The following GALNT9 variants were observed in gnomAD, a reference collection of about 807,000 sequenced individuals.
GALNT9 encodes the protein polypeptide N-acetylgalactosaminyltransferase 9.
In GALNT9, 47 loss-of-function variants were observed where a neutral mutation model predicts 63.1. The ratio of observed to expected loss-of-function variants is 0.75; its 90% CI spans 0.59 to 0.95. The LOEUF is 0.95. Ranked by LOEUF, GALNT9 falls within the 40% of genes least tolerant of loss-of-function variation. The pLI is 0.00. For synonymous variants in GALNT9, 396 were observed against 365.7 expected (o/e 1.08, Z -0.94); for missense variants, 829 against 874.8 (o/e 0.95, Z 0.66).
rs1044927284 is a variant in GALNT9, at chr12:132,261,070, G to A, written c.639C>T (p.Leu213=). The A allele has an allele frequency of 3.3e-5, 51 of 1,551,450 alleles. No homozygotes were observed. The highest frequency in any genetic ancestry group is 1.7e-4 in the Middle Eastern group (1 of 6,014). Reference sequence around the variant, plus strand: ...GCCGGCTGTTGCGGACAATCTTCACGAGGCCTGGGTACCGCTTGTTGACGT... The same window carrying A: ...GCCGGCTGTTGCGGACAATCTTCACAAGGCCTGGGTACCGCTTGTTGACGT... ...DQYVNKRYPG[L]VKIVRNSRRE... The change falls in exon 4 of 11, where the codon CTC becomes CTT. Residue 213 remains leucine, a synonymous_variant. Coordinates refer to ENST00000328957, the MANE Select transcript of GALNT9 (RefSeq NM_001122636.2).
chr12:132,206,861 A>G (rs1485945564), intron 6 of GALNT9, among the ~76,000 whole-genome samples: 1 of 152,120 alleles, frequency 6.6e-6, no homozygotes, highest in Non-Finnish European at 1.5e-5. Context: ...CCATTAAAAA[A>G]ACCAGCGAGC....
At position 132,288,564 on chromosome 12, in the gene GALNT9, G is replaced by C. The variant is rs547245232; in HGVS notation, c.239-2134C>G. 2.6e-5 allele frequency among the ~76,000 whole-genome samples: 4 copies of C among 152,394 alleles called. No homozygotes were observed. The East Asian group carries it at 7.7e-4, about 29-fold the overall frequency. On this transcript the variant is annotated intron_variant, in intron 1 of 10. Transcript: ENST00000328957. ...ATCCGTGGGGCTCAGGCCTCAGGTGGGGATTGGCCGCCTGGCCAGAGGGTA... is the reference window on the plus strand; with the variant it reads ...ATCCGTGGGGCTCAGGCCTCAGGTGCGGATTGGCCGCCTGGCCAGAGGGTA...
In GALNT9 at chr12:132,271,410, T is replaced by C. The variant is rs112158377; in HGVS notation, c.420-8785A>G. Among the ~76,000 whole-genome samples, 142 of 152,288 alleles carry C rather than the reference T, an allele frequency of 9.3e-4. No individual in the cohort carries two copies. In the Middle Eastern group the frequency reaches 0.017, roughly 18 times the overall value. On this transcript the variant is annotated intron_variant, in intron 2 of 10. Transcript: ENST00000328957. ...GCCTTCTTGTGTGTTTCTTCCAGGT[T>C]TCTTTATCCCATTTTGAACCAATTT...
intron 1 of GALNT9, among the ~76,000 whole-genome samples, chr12:132,291,616 GCA>G (rs1880854581): frequency 1.1e-5 from 1 of 92,776 alleles, no homozygotes; most frequent in African/African-American, 5.0e-5. Context: ...CACCTCCACA[GCA>G]CCCACGTCCA....
intron 6 of GALNT9, among the ~76,000 whole-genome samples, chr12:132,226,664 C>A: frequency 7.5e-6 from 1 of 132,794 alleles, no homozygotes; most frequent in East Asian, 2.5e-4. Context: ...ATACACACCC[C>A]ACACACACTG....
chr12:132,321,666 C>A (rs553033070), intron 1 of GALNT9, among the ~76,000 whole-genome samples: 12 of 152,270 alleles, frequency 7.9e-5, no homozygotes, highest in African/African-American at 2.9e-4. Flanking sequence ...GGATTCTCTC[C>A]TGGCAGCTCC....
At position 132,197,270 on chromosome 12, in the gene GALNT9, A is replaced by G. The variant is rs1196784325; in HGVS notation, c.1666-17T>C. The G allele has an allele frequency of 1.2e-6, 2 of 1,609,026 alleles. No homozygotes were observed. Among genetic ancestry groups the G allele is most frequent in the Non-Finnish European group, 8.5e-7 (1 of 1,179,514 alleles). ...GGGGCCACTCTGTGGGGACAGGCAC[A>G]TCAAGTCAGCCAGGTGCAGGCGTCC... is the stretch of plus-strand genomic sequence containing the variant. On this transcript the variant is annotated splice_polypyrimidine_tract_variant and intron_variant, in intron 10 of 10. Coordinates refer to ENST00000328957, the MANE Select transcript of GALNT9 (RefSeq NM_001122636.2).
At chr12:132,297,405 T>C (rs1475155121) in intron 1 of GALNT9, among the ~76,000 whole-genome samples, 1 of 142,856 alleles carries the variant, frequency 7.0e-6, no homozygotes, top group Non-Finnish European at 1.5e-5. Flanking sequence ...AACTCACTCC[T>C]ACAATAACCA....
At chr12:132,278,429 G>T (rs139209620) in intron 2 of GALNT9, 1 of 152,234 alleles carries the variant, frequency 6.6e-6, no homozygotes. Context: ...GCCCCCGCCC[G>T]GGAGGGTCTG....
At position 132,196,438 on chromosome 12, in the gene GALNT9, A is replaced by C. The variant is rs139915363; in HGVS notation, c.*669T>G. ...AAGGGGCTGGGCTGCGGCAGGGCCC[A>C]GGTGCCTGGGAAAGAGGTGGGACCG... is the stretch of plus-strand genomic sequence containing the variant. On this transcript the variant is annotated 3_prime_UTR_variant, in exon 11 of 11. Transcript: ENST00000328957. 2.0e-3 allele frequency: 2,013 copies of C among 985,514 alleles called. 41 individuals are homozygous for C. In the African/African-American group the frequency reaches 0.033, roughly 16 times the overall value. 61.0% of individuals were successfully genotyped at this position (985,514 alleles called of 1,614,324 possible).
intron 1 of GALNT9, among the ~76,000 whole-genome samples, chr12:132,328,719 T>C (rs1374897847): frequency 6.6e-6 from 1 of 152,172 alleles, no homozygotes; most frequent in Non-Finnish European, 1.5e-5. Context: ...CAAGTTTGCG[T>C]CATTGTGGGG....
chr12:132,210,601 C>T (rs111627909), intron 6 of GALNT9, among the ~76,000 whole-genome samples: 3,363 of 152,194 alleles, frequency 0.022, 125 homozygotes, highest in African/African-American at 0.076. Flanking sequence ...GGTTAACTGG[C>T]GGTGAGACAC....
chr12:132,261,559 C>T (rs939092234), intron 3 of GALNT9, among the ~76,000 whole-genome samples: 5 of 152,214 alleles, frequency 3.3e-5, no homozygotes, highest in African/African-American at 1.2e-4. Flanking sequence ...CCTCCCCACA[C>T]ACCACCTTCT....
intron 10 of GALNT9, among the ~76,000 whole-genome samples, chr12:132,197,574 G>C (rs1279686243): frequency 6.7e-6 from 1 of 148,750 alleles, no homozygotes; most frequent in African/African-American, 2.6e-5. Flanking sequence ...TGTCCAGCCC[G>C]ACCCCTCTCT....
chr12:132,281,637 C>T (rs782791350), intron 2 of GALNT9, among the ~76,000 whole-genome samples: 5 of 152,186 alleles, frequency 3.3e-5, no homozygotes, highest in Admixed American at 6.5e-5. Context: ...TTCTCTGTGA[C>T]GTAAAAACAA....
At position 132,238,464 on chromosome 12, in the gene GALNT9, G is replaced by C. The variant is rs1878086536; in HGVS notation, c.1077+9446C>G. Among the ~76,000 whole-genome samples, 1 of 152,166 alleles carries C rather than the reference G, an allele frequency of 6.6e-6. No individual in the cohort carries two copies. The highest frequency in any genetic ancestry group is 6.5e-5 in the Admixed American group (1 of 15,282). On this transcript the variant is annotated intron_variant, in intron 6 of 10. Transcript: ENST00000328957. This position sits in a 1 kb window ranked among gnomAD's most constrained non-coding sequence, Gnocchi z 6.5. ...AGCCGCAGGGGCGACATGGTGTCAA[G>C]GTCTCCTGGACATTGTGCCACTGCT...
At chr12:132,314,408 T>C (rs1363782989) in intron 1 of GALNT9, among the ~76,000 whole-genome samples, 1 of 152,178 alleles carries the variant, frequency 6.6e-6, no homozygotes, top group African/African-American at 2.4e-5. Flanking sequence ...GCGCTTCATA[T>C]GCACCATCTT....
rs782621002 is a variant in GALNT9, at chr12:132,257,860, C to A, written c.788G>T (p.Arg263Leu). 9.1e-5 allele frequency: 141 copies of A among 1,547,478 alleles called. 1 individual carries two copies. The highest frequency in any genetic ancestry group is 4.9e-4 in the African/African-American group (36 of 73,152). Reference protein sequence around the residue: ...GWAEPALSRIREDRRRIVLPA... With the variant: ...GWAEPALSRILEDRRRIVLPA... The stretch of plus-strand genomic sequence containing the variant: ...CAGCACGATGCGACGCCGGTCCTCT[C>A]GGATCCGCGACAGTGCGGGCTCGGC... The change falls in exon 5 of 11, where the codon CGA becomes CTA. Residue 263 changes from arginine to leucine, a missense_variant. Arg to Leu is a moderately radical substitution (Grantham distance 102). Coordinates refer to ENST00000328957, the MANE Select transcript of GALNT9 (RefSeq NM_001122636.2).
intron 5 of GALNT9, among the ~76,000 whole-genome samples, chr12:132,250,528 G>A (rs1191318660): frequency 2.0e-5 from 3 of 152,212 alleles, no homozygotes; most frequent in Non-Finnish European, 2.9e-5. Flanking sequence ...AGTGGCTCAC[G>A]CCTGTAATCC....
Sources: allele counts gnomAD v4.1 joint callset (sites outside exome capture counted in the v4.1 genomes callset), GRCh38; gene constraint gnomAD v4.1.1; non-coding constraint Gnocchi (gnomAD v3.1); transcripts MANE v1.5; gene names NCBI Gene and HGNC (gene_info 2026-07-23, HGNC 2026-07-21).